Variants in CLSTN2 observed in about 807,000 individuals in gnomAD.
The protein encoded by CLSTN2 is calsyntenin-2.
A neutral mutation model predicts 101.2 loss-of-function variants in CLSTN2; 48 were observed. The ratio of observed to expected loss-of-function variants is 0.47; its 90% CI spans 0.38 to 0.60. The LOEUF is 0.60. Ranked by LOEUF, CLSTN2 falls within the 20% of genes least tolerant of loss-of-function variation. The pLI, the probability that CLSTN2 is intolerant of heterozygous loss-of-function variation, is 0.00. For synonymous variants in CLSTN2, 481 were observed against 463.6 expected (o/e 1.04, Z -0.48); for missense variants, 1,160 against 1,238.2 (o/e 0.94, Z 0.95).
chr3:140,280,264 G>A (rs7620671), intron 2 of CLSTN2, among the ~76,000 whole-genome samples: 2,147 of 152,246 alleles, frequency 0.014, 62 homozygotes, highest in African/African-American at 0.049. Flanking sequence ...GTTCTCTCCC[G>A]TACCCCTGAC....
chr3:140,459,882 T>C (rs1933518019), intron 7 of CLSTN2, 113 bp downstream of exon 7: 7 of 1,222,092 alleles, frequency 5.7e-6, no homozygotes, highest in Admixed American at 3.9e-5. Flanking sequence ...AGCAGGAGCC[T>C]GAGAGGAACC....
In CLSTN2 at chr3:140,219,246, A is replaced by G. The variant is rs570148953; in HGVS notation, c.232+43173A>G. Among the ~76,000 whole-genome samples, 12 of 152,166 alleles carry G rather than the reference A, an allele frequency of 7.9e-5. No homozygotes were observed. In the South Asian group the frequency reaches 2.5e-3, roughly 32 times the overall value. On this transcript the variant is annotated intron_variant, in intron 2 of 16. Coordinates refer to ENST00000458420, the MANE Select transcript of CLSTN2 (RefSeq NM_022131.3). ...CCATAAAGAGTAGGGAAGAGGGTGCAGAGGGCCTCACATGTGCAGCCAAGG... is the reference window on the plus strand; with the variant it reads ...CCATAAAGAGTAGGGAAGAGGGTGCGGAGGGCCTCACATGTGCAGCCAAGG...
intron 2 of CLSTN2, among the ~76,000 whole-genome samples, chr3:140,399,792 A>T (rs879801915): frequency 6.6e-6 from 1 of 151,974 alleles, no homozygotes; most frequent in Non-Finnish European, 1.5e-5. Flanking sequence ...TAGAGTTTGG[A>T]GTATGATTGA....
At chr3:140,016,995 T>C (rs1166658257) in intron 1 of CLSTN2, among the ~76,000 whole-genome samples, 2 of 152,150 alleles carry the variant, frequency 1.3e-5, no homozygotes, top group Non-Finnish European at 1.5e-5. Context: ...TGTCCCTAAC[T>C]CTTGAGTTGT....
chr3:140,536,962 G>A (rs1935372285), intron 9 of CLSTN2, among the ~76,000 whole-genome samples: 1 of 152,160 alleles, frequency 6.6e-6, no homozygotes, highest in African/African-American at 2.4e-5. Flanking sequence ...CCACATTTTT[G>A]TCTTAGATGA....
chr3:140,256,174 C>A (rs577354096), intron 2 of CLSTN2, among the ~76,000 whole-genome samples: 3 of 152,162 alleles, frequency 2.0e-5, no homozygotes, highest in African/African-American at 7.2e-5. Flanking sequence ...ATCCATGCAG[C>A]CTCCTCTCCC....
At chr3:140,282,240 C>G (rs1184511659) in intron 2 of CLSTN2, among the ~76,000 whole-genome samples, 1 of 152,172 alleles carries the variant, frequency 6.6e-6, no homozygotes, top group Non-Finnish European at 1.5e-5. Context: ...ATTCCACTCT[C>G]AACTTCTCAG....
At chr3:140,378,109 T>C (rs1485361041) in intron 2 of CLSTN2, among the ~76,000 whole-genome samples, 2 of 152,232 alleles carry the variant, frequency 1.3e-5, no homozygotes, top group African/African-American at 4.8e-5. Context: ...GGCTACACCA[T>C]ATAGCCTAGG....
chr3:140,451,770 T>C (rs1933257638), intron 6 of CLSTN2, among the ~76,000 whole-genome samples: 1 of 152,214 alleles, frequency 6.6e-6, no homozygotes, highest in Non-Finnish European at 1.5e-5. Flanking sequence ...GACAAGTTTC[T>C]GTGTGTCTTC....
rs554761002 is a variant in CLSTN2, at chr3:140,468,646, A to G, written c.1344+1915A>G. ...CCTGGTGGCTAATGTGTGGCAAGAGACTGAGGTCCAGTAGCTTGCGCAAGG... is the reference window on the plus strand; with the variant it reads ...CCTGGTGGCTAATGTGTGGCAAGAGGCTGAGGTCCAGTAGCTTGCGCAAGG... On this transcript the variant is annotated intron_variant, in intron 8 of 16. Coordinates refer to ENST00000458420, the MANE Select transcript of CLSTN2 (RefSeq NM_022131.3). 2.6e-5 allele frequency among the ~76,000 whole-genome samples: 4 copies of G among 152,178 alleles called. No homozygotes were observed. The South Asian group carries it at 8.3e-4, about 31-fold the overall frequency.
chr3:139,987,929 A>G (rs1440656312), intron 1 of CLSTN2, among the ~76,000 whole-genome samples: 3 of 152,220 alleles, frequency 2.0e-5, no homozygotes, highest in African/African-American at 7.2e-5. Context: ...GTGACGAGAC[A>G]AGACAAGTAA....
chr3:140,123,307 C>T (rs2009375036), intron 1 of CLSTN2, among the ~76,000 whole-genome samples: 1 of 152,028 alleles, frequency 6.6e-6, no homozygotes, highest in South Asian at 2.1e-4. Flanking sequence ...ATGGCCTAAT[C>T]ACTTCCTGAA....
intron 8 of CLSTN2, among the ~76,000 whole-genome samples, chr3:140,502,531 T>A (rs2107763006): frequency 6.6e-6 from 1 of 152,342 alleles, no homozygotes; most frequent in Non-Finnish European, 1.5e-5. Flanking sequence ...GAAGATGAGC[T>A]TTTTGTTTGT....
At chr3:139,961,653 G>GT (rs1465651554) in intron 1 of CLSTN2, among the ~76,000 whole-genome samples, 3 of 152,024 alleles carry the variant, frequency 2.0e-5, no homozygotes, top group East Asian at 1.9e-4. Context: ...AATGCAATCT[G>GT]TTTTTTTATA....
In CLSTN2 at chr3:140,206,549, C is replaced by A. The variant is rs1022127507; in HGVS notation, c.232+30476C>A. ...TTATCAAATATGAGGACACCTGACA[C>A]GTGAAAACCAAACACTGGGCTCTTA... is the stretch of plus-strand genomic sequence containing the variant. On this transcript the variant is annotated intron_variant, in intron 2 of 16. Transcript: ENST00000458420. 3.9e-5 allele frequency among the ~76,000 whole-genome samples: 6 copies of A among 152,292 alleles called. No homozygotes were observed. The East Asian group carries it at 5.8e-4, about 15-fold the overall frequency.
At chr3:140,281,476 C>G (rs1320386824) in intron 2 of CLSTN2, among the ~76,000 whole-genome samples, 1 of 152,174 alleles carries the variant, frequency 6.6e-6, no homozygotes, top group African/African-American at 2.4e-5. Flanking sequence ...TGGAGCAGGA[C>G]TGAGTTCCGT....
chr3:140,527,002 T>C (rs1401971516), intron 8 of CLSTN2, among the ~76,000 whole-genome samples: 16 of 152,058 alleles, frequency 1.1e-4, no homozygotes. Flanking sequence ...ACCTAAGAAC[T>C]ACCCTTCTCA....
At chr3:140,086,247 G>T (rs2008678919) in intron 1 of CLSTN2, among the ~76,000 whole-genome samples, 1 of 152,162 alleles carries the variant, frequency 6.6e-6, no homozygotes, top group African/African-American at 2.4e-5. Flanking sequence ...GAATGCTGGG[G>T]TTGGTTAGCA....
chr3:140,029,484 C>T (rs915705817), intron 1 of CLSTN2, among the ~76,000 whole-genome samples: 1 of 152,122 alleles, frequency 6.6e-6, no homozygotes, highest in Non-Finnish European at 1.5e-5. Context: ...CCTGCAAGAC[C>T]TGAGTCCCAC....
Sources: allele counts gnomAD v4.1 joint callset (sites outside exome capture counted in the v4.1 genomes callset), GRCh38; gene constraint gnomAD v4.1.1; transcripts MANE v1.5; gene names NCBI Gene and HGNC (gene_info 2026-07-23, HGNC 2026-07-21).